REV3L: variants seen among roughly 807,000 people sequenced by gnomAD.
REV3L encodes the protein REV3 like, DNA directed polymerase zeta catalytic subunit.
REV3L carries 69 observed loss-of-function variants against 299.4 expected under a neutral mutation model. The observed-to-expected ratio is 0.23, with a 90% CI of 0.19 to 0.28. REV3L has a LOEUF of 0.28. Among genes scored for constraint, REV3L ranks in the 10% least tolerant of loss-of-function variants. REV3L has a pLI of 1.00. For missense variants in REV3L, 3,128 were observed against 3,693.8 expected (o/e 0.85, Z 3.97); for synonymous variants, 1,238 against 1,271.4 (o/e 0.97, Z 0.56).
chr6:111,349,303 C>T lies in REV3L; in HGVS notation c.7334G>A (p.Arg2445Lys), dbSNP rs1411679321. The T allele has an allele frequency of 1.9e-6, 3 of 1,601,082 alleles. No individual in the cohort carries two copies. Among genetic ancestry groups the T allele is most frequent in the Non-Finnish European group, 2.6e-6 (3 of 1,171,664 alleles). The change falls in exon 20 of 32, where the codon AGA becomes AAA. Residue 2445 changes from arginine to lysine, a missense_variant. Coordinates refer to ENST00000368802, the MANE Select transcript of REV3L (RefSeq NM_001372078.1). ...CATTGTATATGATCCATACTCATCT[C>T]TTTCAGCTGCAAATCTGTTCTCAAT... ...DKIENRFAAE[R>K]DEYGSYTMSE...
intron 26 of REV3L, among the ~76,000 whole-genome samples, chr6:111,316,801 C>T (rs1346058054): frequency 6.6e-6 from 1 of 151,848 alleles, no homozygotes; most frequent in Non-Finnish European, 1.5e-5. Context: ...AAAGACATTA[C>T]AAACACTTTG....
intron 23 of REV3L, 79 bp downstream of exon 23, chr6:111,333,044 G>C (rs570643779): frequency 6.6e-7 from 1 of 1,508,430 alleles, no homozygotes; most frequent in African/African-American, 1.4e-5. Context: ...CCAGAGCAAA[G>C]AGACACTCAG....
At chr6:111,338,241 G>A (rs1198989098) in intron 21 of REV3L, among the ~76,000 whole-genome samples, 1 of 146,420 alleles carries the variant, frequency 6.8e-6, no homozygotes, top group East Asian at 2.0e-4. Flanking sequence ...GTATGTTGAC[G>A]ATAATTTGTT....
intron 21 of REV3L, among the ~76,000 whole-genome samples, chr6:111,343,680 T>A (rs1407028827): frequency 6.6e-6 from 1 of 152,078 alleles, no homozygotes; most frequent in East Asian, 1.9e-4. Flanking sequence ...CAGGCATGCA[T>A]CACCACACCT....
chr6:111,338,312 CTTTTTTTTTTTTTTTTTTTTTTT>C lies in REV3L; in HGVS notation c.7539-2725_7539-2703del, dbSNP rs144497761. ...TCTTTGTTTACTCCAGTCTAAAGTCCTTTTTTTTTTTTTTTTTTTTTTTTTTTTTTTTTTTTTTTTAAATAAGA... is the reference window on the plus strand; with the variant it reads ...TCTTTGTTTACTCCAGTCTAAAGTCCTTTTTTTTTTTTTTTTTAAATAAGA... On this transcript the variant is annotated intron_variant, in intron 21 of 31. Transcript: ENST00000368802. Among the ~76,000 whole-genome samples, 18 of 47,942 alleles carry C rather than the reference CTTTTTTTTTTTTTTTTTTTTTTT, an allele frequency of 3.8e-4. 2 individuals are homozygous for C. Among genetic ancestry groups the C allele is most frequent in the Admixed American group, 1.3e-3 (6 of 4,490 alleles). The allele number at this position is 47,942 out of a possible 152,430, so 31.5% of individuals were successfully genotyped here.
chr6:111,399,811 G>A (rs139788697), intron 4 of REV3L, among the ~76,000 whole-genome samples: 6 of 152,240 alleles, frequency 3.9e-5, no homozygotes, highest in African/African-American at 9.6e-5. Flanking sequence ...GGTACATCAC[G>A]TGGTTATAGA....
At chr6:111,404,505 C>A (rs976763664) in intron 4 of REV3L, among the ~76,000 whole-genome samples, 1 of 152,164 alleles carries the variant, frequency 6.6e-6, no homozygotes, top group Non-Finnish European at 1.5e-5. Context: ...AAGTGCATTT[C>A]ATAAGGCTAT....
At chr6:111,353,219 A>G (rs773121038) in intron 18 of REV3L, among the ~76,000 whole-genome samples, 3 of 152,216 alleles carry the variant, frequency 2.0e-5, no homozygotes, top group Non-Finnish European at 2.9e-5. Flanking sequence ...CAAGTCTGGC[A>G]TAACAATGGA....
intron 20 of REV3L, among the ~76,000 whole-genome samples, chr6:111,348,585 A>G (rs756984742): frequency 8.5e-5 from 13 of 152,216 alleles, no homozygotes; most frequent in Non-Finnish European, 1.8e-4. Context: ...TCTGGCCTTA[A>G]GTGCAAAAAT....
chr6:111,340,075 A>G (rs1462257842), intron 21 of REV3L, among the ~76,000 whole-genome samples: 1 of 152,214 alleles, frequency 6.6e-6, no homozygotes, highest in African/African-American at 2.4e-5. Flanking sequence ...ATATTTTTCA[A>G]GATAGTTCAT....
intron 1 of REV3L, among the ~76,000 whole-genome samples, chr6:111,462,012 C>T (rs1238018538): frequency 1.3e-5 from 2 of 152,096 alleles, no homozygotes; most frequent in Non-Finnish European, 2.9e-5. Context: ...GTAAGCCCAT[C>T]TATATGCTGA....
intron 1 of REV3L, among the ~76,000 whole-genome samples, chr6:111,463,979 T>C (rs1791107783): frequency 6.6e-6 from 1 of 152,192 alleles, no homozygotes; most frequent in African/African-American, 2.4e-5. Context: ...CATCCTGGCA[T>C]GTTAAAAAGC....
intron 1 of REV3L, among the ~76,000 whole-genome samples, chr6:111,429,513 T>A (rs1786603518): frequency 7.0e-6 from 1 of 143,628 alleles, no homozygotes; most frequent in African/African-American, 2.4e-5. Flanking sequence ...TACTGCAATT[T>A]GTAGTGTACA....
At chr6:111,396,689 G>T (rs1415972835) in intron 4 of REV3L, among the ~76,000 whole-genome samples, 1 of 152,004 alleles carries the variant, frequency 6.6e-6, no homozygotes, top group Admixed American at 6.6e-5. Context: ...CGTCTGCTCA[G>T]GTTTTCTTTT....
chr6:111,349,020 A>AG (rs899193580), intron 20 of REV3L, 198 bp downstream of exon 20: 21 of 397,978 alleles, frequency 5.3e-5, no homozygotes, highest in Non-Finnish European at 8.8e-5. Flanking sequence ...AAAAAAAAAA[A>AG]ACTCACTTAA....
intron 4 of REV3L, among the ~76,000 whole-genome samples, chr6:111,396,544 A>G (rs925184932): frequency 9.9e-5 from 15 of 152,022 alleles, no homozygotes; most frequent in African/African-American, 2.9e-4. Flanking sequence ...TCAAATTTCT[A>G]GACTAGTTTG....
At position 111,422,665 on chromosome 6, in the gene REV3L, T is replaced by TATATATATATACATATATATATATAC. The variant is rs1562287955; in HGVS notation, c.140-6194_140-6193insGTATATATATATATGTATATATATAT. Among the ~76,000 whole-genome samples the TATATATATATACATATATATATATAC allele has an allele frequency of 1.1e-4, 4 of 37,462 alleles. 1 individual carries two copies. The highest frequency in any genetic ancestry group is 2.6e-3 in the East Asian group (2 of 762). The allele number at this position is 37,462 out of a possible 152,430, so 24.6% of individuals were successfully genotyped here. Reference sequence around the variant, plus strand: ...ATATATATACATATATATATATACATATATATATATATACGTATATATATA... The same window carrying TATATATATATACATATATATATATAC: ...ATATATATACATATATATATATACATATATATATATACATATATATATATACATATATATATATACGTATATATATA... On this transcript the variant is annotated intron_variant, in intron 1 of 31. Coordinates refer to ENST00000368802, the MANE Select transcript of REV3L (RefSeq NM_001372078.1).
At chr6:111,482,713 G>T in intron 1 of REV3L, 37 bp downstream of exon 1, 2 of 1,226,576 alleles carry the variant, frequency 1.6e-6, no homozygotes, top group South Asian at 3.1e-5. Flanking sequence ...GCGCCCCGCC[G>T]ACTCCCGCTC....
At position 111,315,335 on chromosome 6, in the gene REV3L, T is replaced by C; in HGVS notation, c.8398A>G (p.Ile2800Val). The change falls in exon 27 of 32, where the codon ATT becomes GTT. Residue 2800 changes from isoleucine (I) to valine (V), a missense_variant. Physicochemically the swap from Ile to Val is conservative, Grantham distance 29. Transcript: ENST00000368802. ...ACAGCTTCGGCAATTTCCTGACCAA[T>C]CTTAAAAGACTGCTCCTTAGTGGCT... ...KGATKEQSFK[I>V]GQEIAEAVTA... 1 of 1,614,106 alleles carries C rather than the reference T, an allele frequency of 6.2e-7. No individual in the cohort carries two copies. Among genetic ancestry groups the C allele is most frequent in the Non-Finnish European group, 8.5e-7 (1 of 1,179,996 alleles).
Sources: gnomAD v4.1 joint callset for allele counts (sites outside exome capture counted in the v4.1 genomes callset) on GRCh38, gnomAD v4.1.1 for gene constraint, MANE v1.5 for transcripts, NCBI Gene and HGNC (gene_info 2026-07-23, HGNC 2026-07-21) for gene names.